CDH13: variants seen among roughly 807,000 people sequenced by gnomAD.
CDH13 encodes cadherin 13.
Under a neutral mutation model 63.8 loss-of-function variants are expected in CDH13, and 24 were observed. That is an observed-to-expected ratio of 0.38 (90% confidence interval 0.27 to 0.53). The LOEUF (loss-of-function observed/expected upper bound fraction) is 0.53, where lower values mean the gene tolerates loss of function less well. Ranked by LOEUF, CDH13 falls within the 20% of genes least tolerant of loss-of-function variation. The pLI is 0.85. For missense variants in CDH13, 1,049 were observed against 903.1 expected (o/e 1.16, Z -2.07); for synonymous variants, 503 against 355.3 (o/e 1.42, Z -4.67).
At chr16:83,083,210 C>G (rs1258746118) in intron 3 of CDH13, among the ~76,000 whole-genome samples, 2 of 152,212 alleles carry the variant, frequency 1.3e-5, no homozygotes, top group Non-Finnish European at 2.9e-5. Flanking sequence ...AATACAGCAT[C>G]TTACTTGATT....
chr16:82,762,473 G>T (rs147171165), intron 1 of CDH13, among the ~76,000 whole-genome samples: 100 of 152,272 alleles, frequency 6.6e-4, no homozygotes, highest in African/African-American at 2.2e-3. Context: ...GTATGTGAGA[G>T]GATGTTATTT....
intron 3 of CDH13, among the ~76,000 whole-genome samples, chr16:83,078,769 G>GT (rs1301543298): frequency 1.3e-5 from 2 of 152,252 alleles, no homozygotes; most frequent in South Asian, 2.1e-4. Context: ...TTAGCCTCCA[G>GT]TTTTTTGTTT....
At chr16:83,163,235 G>A (rs573768572) in intron 4 of CDH13, among the ~76,000 whole-genome samples, 126 of 152,078 alleles carry the variant, frequency 8.3e-4, no homozygotes, top group African/African-American at 3.0e-3. Flanking sequence ...TTTGTAAATT[G>A]CCCAATCTCG....
At chr16:83,270,313 T>G (rs1183719169) in intron 5 of CDH13, among the ~76,000 whole-genome samples, 1 of 152,142 alleles carries the variant, frequency 6.6e-6, no homozygotes, top group Non-Finnish European at 1.5e-5. Context: ...CAGCTCTATA[T>G]GGAGAAGTCG....
intron 1 of CDH13, among the ~76,000 whole-genome samples, chr16:82,772,377 T>G (rs1031811578): frequency 1.3e-5 from 2 of 152,092 alleles, no homozygotes; most frequent in African/African-American, 4.8e-5. Flanking sequence ...AGGGACAGCA[T>G]CTACTGCAGC....
chr16:83,584,361 C>T (rs553535905), intron 7 of CDH13, among the ~76,000 whole-genome samples: 10 of 152,230 alleles, frequency 6.6e-5, no homozygotes, highest in African/African-American at 2.2e-4. Flanking sequence ...GTTTTTGCTT[C>T]CAAGCACCTC....
At chr16:83,267,960 C>CCATGAATGG (rs1269374246) in intron 5 of CDH13, among the ~76,000 whole-genome samples, 2 of 152,120 alleles carry the variant, frequency 1.3e-5, no homozygotes, top group African/African-American at 4.8e-5. Flanking sequence ...AATGAGATGA[C>CCATGAATGG]CATGAATGGC....
At chr16:83,357,986 A>G (rs2091089578) in intron 6 of CDH13, among the ~76,000 whole-genome samples, 1 of 152,150 alleles carries the variant, frequency 6.6e-6, no homozygotes, top group Non-Finnish European at 1.5e-5. Flanking sequence ...ACAGCAGGCT[A>G]GAGGCGGATG....
chr16:83,546,661 T>A (rs530386561), intron 7 of CDH13, among the ~76,000 whole-genome samples: 1 of 152,164 alleles, frequency 6.6e-6, no homozygotes, highest in Non-Finnish European at 1.5e-5. Flanking sequence ...GTAGCGAAGT[T>A]TGGGGAGACC....
At chr16:83,752,633 A>G (rs1913178739) in intron 11 of CDH13, among the ~76,000 whole-genome samples, 1 of 152,200 alleles carries the variant, frequency 6.6e-6, no homozygotes, top group Admixed American at 6.5e-5. Context: ...TTTGAGACTC[A>G]TTGAGTCTCA....
intron 2 of CDH13, among the ~76,000 whole-genome samples, chr16:82,910,119 T>C (rs1170834326): frequency 1.3e-5 from 2 of 152,200 alleles, no homozygotes; most frequent in Non-Finnish European, 2.9e-5. Flanking sequence ...CAAATGCCGA[T>C]GTCTGAGTCA....
At chr16:83,127,100 G>A (rs1352666248) in intron 4 of CDH13, among the ~76,000 whole-genome samples, 1 of 152,188 alleles carries the variant, frequency 6.6e-6, no homozygotes, top group Non-Finnish European at 1.5e-5. Context: ...TTTGGCAGAG[G>A]TGAGTCTACA....
chr16:82,797,453 C>T (rs1836367397), intron 1 of CDH13, among the ~76,000 whole-genome samples: 1 of 152,188 alleles, frequency 6.6e-6, no homozygotes, highest in South Asian at 2.1e-4. Flanking sequence ...GCTAATTCAT[C>T]ACTGCCTTCC....
intron 6 of CDH13, among the ~76,000 whole-genome samples, chr16:83,454,640 C>T (rs773906490): frequency 2.6e-5 from 4 of 152,026 alleles, no homozygotes; most frequent in Admixed American, 6.6e-5. Context: ...TCTAGGCCAT[C>T]GATTTTCTGC....
intron 5 of CDH13, among the ~76,000 whole-genome samples, chr16:83,339,506 G>A (rs1281397109): frequency 6.6e-6 from 1 of 152,118 alleles, no homozygotes; most frequent in Non-Finnish European, 1.5e-5. Context: ...TGTTATTTTA[G>A]TTAATCTGCA....
intron 7 of CDH13, among the ~76,000 whole-genome samples, chr16:83,493,831 G>A (rs1407470256): frequency 6.6e-6 from 1 of 152,212 alleles, no homozygotes; most frequent in Non-Finnish European, 1.5e-5. Context: ...TAAGCTAAAG[G>A]AGAGATCGTC....
At chr16:83,764,298 G>T (rs1914210725) in intron 11 of CDH13, among the ~76,000 whole-genome samples, 1 of 152,180 alleles carries the variant, frequency 6.6e-6, no homozygotes, top group Admixed American at 6.5e-5. Context: ...GCCAGAAAAG[G>T]TGTCCTTGGA....
chr16:83,523,497 A>G (rs1415349210), intron 7 of CDH13, among the ~76,000 whole-genome samples: 1 of 152,168 alleles, frequency 6.6e-6, no homozygotes, highest in Non-Finnish European at 1.5e-5. Context: ...CCACCCTGGA[A>G]TCCACTGGAG....
intron 1 of CDH13, among the ~76,000 whole-genome samples, chr16:82,849,226 A>G (rs12596918): frequency 0.64 from 97,006 of 151,698 alleles, 31,566 homozygotes; most frequent in East Asian, 0.87. Flanking sequence ...GGTGAAAGCC[A>G]AGCACAGTGG....
Sources: gnomAD v4.1 joint callset for allele counts (sites outside exome capture counted in the v4.1 genomes callset) on GRCh38, gnomAD v4.1.1 for gene constraint, MANE v1.5 for transcripts, NCBI Gene and HGNC (gene_info 2026-07-23, HGNC 2026-07-21) for gene names.